MAEA: variants seen among roughly 807,000 people sequenced by gnomAD.
The protein encoded by MAEA is E3 ubiquitin-protein transferase MAEA.
A neutral mutation model predicts 46.2 loss-of-function variants in MAEA; 22 were observed. The observed-to-expected ratio is 0.48, with a 90% CI of 0.34 to 0.68. The LOEUF is 0.68. Ranked by LOEUF, MAEA falls within the 30% of genes least tolerant of loss-of-function variation. The pLI is 0.01. For synonymous variants in MAEA, 246 were observed against 222.6 expected (o/e 1.11, Z -0.94); for missense variants, 393 against 558.1 (o/e 0.70, Z 2.98).
In MAEA at chr4:1,312,092, C is replaced by T; in HGVS notation, c.183C>T (p.Cys61=). Residue 61 remains cysteine (C), a synonymous_variant, in exon 2 of 9, where the codon TGC becomes TGT. Coordinates refer to ENST00000303400, the MANE Select transcript of MAEA (RefSeq NM_001017405.3). ...AGCTGGAGAAGACGTTGAGCGGCTG[C>T]CCCGCCGTGGACTCCGTGGTCAGCC... is the stretch of plus-strand genomic sequence containing the variant. ...VAELEKTLSG[C]PAVDSVVSLL... 1 of 1,612,990 alleles carries T rather than the reference C, an allele frequency of 6.2e-7. No individual in the cohort carries two copies. Among genetic ancestry groups the T allele is most frequent in the Non-Finnish European group, 8.5e-7 (1 of 1,179,960 alleles).
At chr4:1,328,096 C>G (rs1488210093) in intron 5 of MAEA, among the ~76,000 whole-genome samples, 2 of 152,236 alleles carry the variant, frequency 1.3e-5, no homozygotes, top group Non-Finnish European at 2.9e-5. Flanking sequence ...TCAGGTAGCT[C>G]CAAGCGTCCT....
chr4:1,338,368 G>C (rs1713074192), intron 7 of MAEA, 54 bp from the exon 8 acceptor site: 2 of 1,474,812 alleles, frequency 1.4e-6, no homozygotes, highest in Non-Finnish European at 1.9e-6. Context: ...AGGGGGCTGG[G>C]CTCACCCCGG....
At chr4:1,304,094 C>T (rs925291287) in intron 1 of MAEA, among the ~76,000 whole-genome samples, 1 of 152,092 alleles carries the variant, frequency 6.6e-6, no homozygotes, top group South Asian at 2.1e-4. Flanking sequence ...ACGCACCCTC[C>T]TCCCCCTGTC....
At position 1,318,913 on chromosome 4, in the gene MAEA, A is replaced by G. The variant is rs374412218; in HGVS notation, c.456+3313A>G. ...CAATACAGGACAGGAAGCTGCTGCC[A>G]AGGGAAGGCCACCCAGGAACAGGAC... On this transcript the variant is annotated intron_variant, in intron 3 of 8. Coordinates refer to ENST00000303400, the MANE Select transcript of MAEA (RefSeq NM_001017405.3). 4.4e-3 allele frequency among the ~76,000 whole-genome samples: 609 copies of G among 137,986 alleles called. 4 individuals carry two copies. The highest frequency in any genetic ancestry group is 0.016 in the African/African-American group (575 of 35,232). 90.5% of individuals were successfully genotyped at this position (137,986 alleles called of 152,430 possible).
At position 1,311,984 on chromosome 4, in the gene MAEA, C is replaced by T. The variant is rs1213832565; in HGVS notation, c.75C>T (p.Pro25=). Residue 25 remains proline (P), a synonymous_variant, in exon 2 of 9, where the codon CCC becomes CCT. Transcript: ENST00000303400. This position sits in a 1 kb window ranked among gnomAD's most constrained non-coding sequence, Gnocchi z 4.4. The part of the protein sequence containing the change: ...KVQEYPTLKV[P]YETLNKRFRA... The stretch of plus-strand genomic sequence containing the variant: ...CCATCCTCCTTCCTCTCCAGGTGCC[C>T]TACGAGACGCTGAACAAACGCTTTC... The T allele has an allele frequency of 1.0e-5, 16 of 1,607,446 alleles. No homozygotes were observed. In the Admixed American group the frequency reaches 1.0e-4, roughly 10 times the overall value.
chr4:1,329,888 G>A (rs914974275), intron 5 of MAEA: 7 of 985,434 alleles, frequency 7.1e-6, no homozygotes, highest in Non-Finnish European at 7.2e-6. Context: ...GTCCCAGCCC[G>A]CAGGAGCTTC....
intron 1 of MAEA, among the ~76,000 whole-genome samples, chr4:1,310,414 G>GAAA (rs1264732231): frequency 6.6e-6 from 1 of 152,256 alleles, no homozygotes; most frequent in Non-Finnish European, 1.5e-5. Flanking sequence ...AAGGCAGGCA[G>GAAA]TGTGGATGAT....
At chr4:1,307,514 C>G (rs952971417) in intron 1 of MAEA, among the ~76,000 whole-genome samples, 2 of 152,260 alleles carry the variant, frequency 1.3e-5, no homozygotes, top group Non-Finnish European at 2.9e-5. Flanking sequence ...AGGCTGAATA[C>G]TGTTCCACTG....
At position 1,338,278 on chromosome 4, in the gene MAEA, T is replaced by A. The variant is rs934340194; in HGVS notation, c.900-144T>A. Reference sequence around the variant, plus strand: ...TAGCTGTCGAGTGCAGCACTTCCTGTGCCTCGAAAGACAGCCCCGTGTAGT... The same window carrying A: ...TAGCTGTCGAGTGCAGCACTTCCTGAGCCTCGAAAGACAGCCCCGTGTAGT... On this transcript the variant is annotated intron_variant, in intron 7 of 8. Coordinates refer to ENST00000303400, the MANE Select transcript of MAEA (RefSeq NM_001017405.3). 5 of 610,782 alleles carry A rather than the reference T, an allele frequency of 8.2e-6. No individual in the cohort carries two copies. The Admixed American group carries it at 1.4e-4, about 18-fold the overall frequency. 37.8% of individuals were successfully genotyped at this position (610,782 alleles called of 1,614,324 possible). A position where few individuals can be genotyped will look rare whatever the true frequency, so the allele number is the denominator to read the frequency against.
chr4:1,329,636 A>G (rs1739286291), intron 5 of MAEA: 5 of 985,354 alleles, frequency 5.1e-6, no homozygotes, highest in South Asian at 9.4e-5. Context: ...GGGCCTGGTC[A>G]GGGAAGTCCG....
chr4:1,301,101 C>CA (rs1213571532), intron 1 of MAEA, among the ~76,000 whole-genome samples: 1 of 152,214 alleles, frequency 6.6e-6, no homozygotes, highest in Admixed American at 6.5e-5. Flanking sequence ...TTGCAAAAGA[C>CA]AAAGAGCCTC....
chr4:1,324,583 T>C (rs1158806353), intron 4 of MAEA, among the ~76,000 whole-genome samples: 1 of 132,182 alleles, frequency 7.6e-6, no homozygotes. Context: ...TGAGTTGAGG[T>C]TGGATGAGTG....
At chr4:1,329,365 C>T (rs1427970136) in intron 5 of MAEA, 20 of 985,362 alleles carry the variant, frequency 2.0e-5, no homozygotes, top group Non-Finnish European at 2.3e-5. Context: ...AGAATCTGCC[C>T]TAGAGACTCG....
At chr4:1,304,624 G>A (rs987842811) in intron 1 of MAEA, among the ~76,000 whole-genome samples, 4 of 152,000 alleles carry the variant, frequency 2.6e-5, no homozygotes, top group Non-Finnish European at 5.9e-5. Flanking sequence ...TGTATTTTTA[G>A]TACAGACGGG....
intron 1 of MAEA, among the ~76,000 whole-genome samples, chr4:1,304,023 T>C (rs1019816554): frequency 3.3e-5 from 5 of 152,062 alleles, no homozygotes; most frequent in East Asian, 1.9e-4. Flanking sequence ...TCCAGGTCCA[T>C]AGAAGTAGAA....
rs969899967 is a variant in MAEA at position 1,302,619 on chromosome 4, A to G, written c.70-9360A>G. On this transcript the variant is annotated intron_variant, in intron 1 of 8. Coordinates refer to ENST00000303400, the MANE Select transcript of MAEA (RefSeq NM_001017405.3). ...TTCAGCCTCCCAAGTAGCTGGGACT[A>G]CAGGCACCTGCCACCATGCCCGGCT... Among the ~76,000 whole-genome samples, 9 of 152,186 alleles carry G rather than the reference A, an allele frequency of 5.9e-5. No individual in the cohort carries two copies. In the South Asian group the frequency reaches 6.2e-4, roughly 10 times the overall value.
At chr4:1,309,579 G>A in intron 1 of MAEA, 1 of 1,491,640 alleles carries the variant, frequency 6.7e-7, no homozygotes, top group Admixed American at 2.1e-5. Flanking sequence ...CGCTGGAGGA[G>A]GAGCAGAGGC....
chr4:1,338,327 A>C lies in MAEA; in HGVS notation c.900-95A>C, dbSNP rs557000630. ...GTCAGCATGGCGCCCACATAGCCAGAAGGGCACGCAGCCCAGGGCAGAGTG... is the reference window on the plus strand; with the variant it reads ...GTCAGCATGGCGCCCACATAGCCAGCAGGGCACGCAGCCCAGGGCAGAGTG... On this transcript the variant is annotated intron_variant, in intron 7 of 8. Transcript: ENST00000303400. The C allele has an allele frequency of 7.2e-4, 687 of 958,208 alleles. 3 individuals are homozygous for C. Among genetic ancestry groups the C allele is most frequent in the Admixed American group, 2.3e-3 (99 of 43,870 alleles). 59.4% of individuals were successfully genotyped at this position (958,208 alleles called of 1,614,324 possible).
chr4:1,309,706 GGCCCCGGTGA>G (rs1453223242), intron 1 of MAEA: 1 of 1,528,370 alleles, frequency 6.5e-7, no homozygotes, highest in Non-Finnish European at 8.8e-7. Context: ...AAGACACCGT[GGCCCCGGTGA>G]GCCCCTCCCC....
Sources: gnomAD v4.1 joint callset for allele counts (sites outside exome capture counted in the v4.1 genomes callset) on GRCh38, gnomAD v4.1.1 for gene constraint, Gnocchi (gnomAD v3.1) non-coding constraint, MANE v1.5 for transcripts, NCBI Gene and HGNC (gene_info 2026-07-23, HGNC 2026-07-21) for gene names.